The following IL12RB1 variants were observed in gnomAD, a reference collection of about 807,000 sequenced individuals.
IL12RB1 encodes interleukin 12 receptor subunit beta 1.
A neutral mutation model predicts 94.4 loss-of-function variants in IL12RB1; 64 were observed. That is an observed-to-expected ratio of 0.68 (90% CI 0.55 to 0.83). The LOEUF is 0.83. Ranked by LOEUF, IL12RB1 falls within the 40% of genes least tolerant of loss-of-function variation. The probability of loss-of-function intolerance (pLI) is 0.00; values close to 1 mark genes in which losing one functional copy is unlikely to be tolerated. For missense variants in IL12RB1, 814 were observed against 855.6 expected (o/e 0.95, Z 0.61); for synonymous variants, 362 against 355.5 (o/e 1.02, Z -0.21).
At chr19:18,091,584 G>A (rs1339113393), upstream of IL12RB1, 1 of 152,178 alleles carries the variant, frequency 6.6e-6, no homozygotes, top group Non-Finnish European at 1.5e-5. Flanking sequence ...AGTTAGCCAG[G>A]AGACAACCCA....
intron 1 of IL12RB1, among the ~76,000 whole-genome samples, chr19:18,096,539 G>A (rs1383707798): frequency 6.6e-6 from 1 of 152,046 alleles, no homozygotes; most frequent in Admixed American, 6.6e-5. Context: ...AAGAGTTTTA[G>A]TGTTTTGGCC....
rs1336490207 is a variant in IL12RB1 at position 18,077,587 on chromosome 19, C to T, written c.478G>A (p.Glu160Lys). ...KLAGQLRMEW[E>K]TPDNQVGAEV... is the part of the protein sequence containing the mutation. ...GCACCAACCTGGTTATCCGGGGTCT[C>T]CCACTCCATACGCAGCTGCCCGGCC... The change falls in exon 5 of 17, where the codon GAG becomes AAG. Residue 160 changes from glutamate (E) to lysine (K), a missense_variant. Physicochemically the swap from Glu to Lys is moderately conservative, Grantham distance 56. Coordinates refer to ENST00000593993, the MANE Select transcript of IL12RB1 (RefSeq NM_005535.3). The T allele has an allele frequency of 1.2e-6, 2 of 1,605,268 alleles. No individual in the cohort carries two copies. Among genetic ancestry groups the T allele is most frequent in the Non-Finnish European group, 1.7e-6 (2 of 1,172,206 alleles).
In IL12RB1 at chr19:18,086,820, C is replaced by G; in HGVS notation, c.4G>C (p.Glu2Gln). 6.2e-7 allele frequency: 1 copy of G among 1,610,574 alleles called. No homozygotes were observed. The highest frequency in any genetic ancestry group is 8.5e-7 in the Non-Finnish European group (1 of 1,178,788). ...GGGACCACCCAGGTCACCAGCGGCT[C>G]CATCGGATCCACGTAGAGCCCCACA... M[E>Q]PLVTWVVPLL... Residue 2 changes from glutamate to glutamine, a missense_variant, in exon 1 of 17, where the codon GAG becomes CAG. By Grantham distance (29) the Glu-to-Gln change is conservative. Coordinates refer to ENST00000593993, the MANE Select transcript of IL12RB1 (RefSeq NM_005535.3).
chr19:18,066,666 C>G lies in IL12RB1; in HGVS notation c.1359G>C (p.Ser453=), dbSNP rs377432757. 43 of 1,610,112 alleles carry G rather than the reference C, an allele frequency of 2.7e-5. No homozygotes were observed. Among genetic ancestry groups the G allele is most frequent in the Non-Finnish European group, 3.7e-5 (43 of 1,177,090 alleles). Residue 453 remains serine, a synonymous_variant, in exon 12 of 17, where the codon TCG becomes TCC. Coordinates refer to ENST00000593993, the MANE Select transcript of IL12RB1 (RefSeq NM_005535.3). ...CAGAGTCCAAGCTATGATTCTTCAC[C>G]GAGACGTGGTGCGGTGTCCCAGCTG... is the stretch of plus-strand genomic sequence containing the variant. ...ASAAGTPHHV[S]VKNHSLDSVS...
At chr19:18,077,337 G>C (rs1366284050) in intron 5 of IL12RB1, among the ~76,000 whole-genome samples, 179 bp downstream of exon 5, 1 of 151,896 alleles carries the variant, frequency 6.6e-6, no homozygotes, top group Non-Finnish European at 1.5e-5. Context: ...ACTCCAGCCT[G>C]GGCGACAGAG....
chr19:18,079,559 G>A lies in IL12RB1; in HGVS notation c.409+1273C>T, dbSNP rs577301263. Among the ~76,000 whole-genome samples the A allele has an allele frequency of 5.3e-5, 8 of 151,882 alleles. No individual in the cohort carries two copies. In the East Asian group the frequency reaches 1.4e-3, roughly 26 times the overall value. On this transcript the variant is annotated intron_variant, in intron 4 of 16. Transcript: ENST00000593993. The stretch of plus-strand genomic sequence containing the variant: ...CCATTTCCTCCTTCTCTCCATCCCC[G>A]GTAACCACAGTTCTACTTTCGGTGC...
chr19:18,085,160 C>T (rs925074286), intron 1 of IL12RB1, among the ~76,000 whole-genome samples: 49 of 152,270 alleles, frequency 3.2e-4, no homozygotes, highest in African/African-American at 1.1e-3. Flanking sequence ...AAGACCCCGG[C>T]GCCCTCACTC....
At chr19:18,061,233 G>GTTT (rs67773732) in intron 14 of IL12RB1, 36 bp from the exon 15 acceptor site, 4,155 of 819,014 alleles carry the variant, frequency 5.1e-3, no homozygotes, top group Non-Finnish European at 6.1e-3. Context: ...AGGAGCTGAG[G>GTTT]TTTTTTTTTT....
At chr19:18,066,372 G>A (rs418995) in intron 12 of IL12RB1, among the ~76,000 whole-genome samples, 170 bp downstream of exon 12, 14,829 of 152,076 alleles carry the variant, frequency 0.098, 2,451 homozygotes, top group African/African-American at 0.34. Flanking sequence ...CTCCCAAAGT[G>A]CTGGGATTAC....
Position 18,062,222 on chromosome 19 carries a change from G to T in IL12RB1, c.1674C>A (p.Ser558Arg). The T allele has an allele frequency of 1.9e-6, 3 of 1,613,448 alleles. No homozygotes were observed. Among genetic ancestry groups the T allele is most frequent in the Non-Finnish European group, 2.5e-6 (3 of 1,179,564 alleles). The change falls in exon 14 of 17, where the codon AGC (serine) becomes AGA (arginine). Residue 558 changes from serine to arginine, a missense_variant. Ser to Arg is a moderately radical substitution (Grantham distance 110). Transcript: ENST00000593993. ...IFFASLGSFL[S>R]ILLVGVLGYL... is the part of the protein sequence containing the mutation. ...AGCCAAGGACGCCCACGAGAAGGAT[G>T]CTCAGGAAGCTCCCCAGGGAGGCGA...
intron 14 of IL12RB1, among the ~76,000 whole-genome samples, chr19:18,061,557 C>T (rs968735794): frequency 1.3e-5 from 2 of 152,106 alleles, no homozygotes; most frequent in Non-Finnish European, 2.9e-5. Flanking sequence ...CAGACATGCC[C>T]ACCAGTGTCA....
chr19:18,075,996 G>A (rs1469114329), intron 6 of IL12RB1, 128 bp from the exon 7 acceptor site: 4 of 893,314 alleles, frequency 4.5e-6, no homozygotes, highest in Non-Finnish European at 7.5e-6. Flanking sequence ...TGGGGGCTCA[G>A]CAGAAGCAGG....
intron 13 of IL12RB1, among the ~76,000 whole-genome samples, chr19:18,063,076 C>CTTTTTTTT (rs1345434373): frequency 1.3e-4 from 10 of 75,178 alleles, no homozygotes; most frequent in East Asian, 3.8e-4. Flanking sequence ...TCTTCTTCTT[C>CTTTTTTTT]TATTTTTTTT....
chr19:18,062,112 C>G (rs1393683547), intron 14 of IL12RB1, 69 bp downstream of exon 14: 1 of 1,069,532 alleles, frequency 9.3e-7, no homozygotes. Context: ...GCGGGCTAAG[C>G]TCCACTTTAG....
At chr19:18,092,508 T>A (rs1054053903) in intron 1 of IL12RB1, among the ~76,000 whole-genome samples, 1 of 151,056 alleles carries the variant, frequency 6.6e-6, no homozygotes, top group African/African-American at 2.4e-5. Context: ...TAAAATAAAA[T>A]AAAAATACAA....
At chr19:18,098,446 C>A (rs1223707290) in intron 1 of IL12RB1, among the ~76,000 whole-genome samples, 1 of 152,124 alleles carries the variant, frequency 6.6e-6, no homozygotes, top group Non-Finnish European at 1.5e-5. Flanking sequence ...GGGAGGGCAC[C>A]CTTGCTTCTC....
Position 18,062,398 on chromosome 19 carries a change from T to C in IL12RB1, c.1619-121A>G, listed in dbSNP as rs1599445095. ...TGATCCTGGTGCACATGCCACGGGC[T>C]TCTCACTGGGAGACCACAGAACCCA... On this transcript the variant is annotated intron_variant, in intron 13 of 16. Transcript: ENST00000593993. 12 of 611,110 alleles carry C rather than the reference T, an allele frequency of 2.0e-5. No homozygotes were observed. The East Asian group carries it at 3.4e-4, about 17-fold the overall frequency. 37.9% of individuals were successfully genotyped at this position (611,110 alleles called of 1,614,324 possible).
chr19:18,072,098 C>A lies in IL12RB1; in HGVS notation c.1021+14G>T, dbSNP rs776075500. The A allele has an allele frequency of 1.9e-6, 3 of 1,570,434 alleles. No homozygotes were observed. The highest frequency in any genetic ancestry group is 1.1e-5 in the South Asian group (1 of 90,274). ...AGGGGCCCTCATACCGCCCTCCCCA[C>A]CCAGAGGAGGCACCTGTGTGGGTGT... On this transcript the variant is annotated intron_variant, in intron 9 of 16. Coordinates refer to ENST00000593993, the MANE Select transcript of IL12RB1 (RefSeq NM_005535.3).
chr19:18,093,045 C>T (rs761872438), intron 1 of IL12RB1, among the ~76,000 whole-genome samples: 1 of 151,910 alleles, frequency 6.6e-6, no homozygotes, highest in Non-Finnish European at 1.5e-5. Context: ...TGGCTCATGC[C>T]TGTAATCCTA....
Sources: allele counts gnomAD v4.1 joint callset (sites outside exome capture counted in the v4.1 genomes callset), GRCh38; gene constraint gnomAD v4.1.1; transcripts MANE v1.5; gene names NCBI Gene and HGNC (gene_info 2026-07-23, HGNC 2026-07-21).